GALK2: variants seen among roughly 807,000 people sequenced by gnomAD.
GALK2 encodes N-acetylgalactosamine kinase.
GALK2 carries 36 observed loss-of-function variants against 52.4 expected under a neutral mutation model. The ratio of observed to expected loss-of-function variants is 0.69; its 90% CI spans 0.53 to 0.91. The LOEUF is 0.91. GALK2 is among the 40% of genes least tolerant of loss of function. The pLI is 0.00. For missense variants in GALK2, 579 were observed against 559.1 expected (o/e 1.04, Z -0.36); for synonymous variants, 176 against 199.1 (o/e 0.88, Z 0.98).
At chr15:49,362,494 C>T (rs928613912) in intron 3 of GALK2, among the ~76,000 whole-genome samples, 3 of 150,578 alleles carry the variant, frequency 2.0e-5, no homozygotes, top group African/African-American at 7.3e-5. Flanking sequence ...TGAAAACCGA[C>T]TAATACACTT....
chr15:49,155,806 C>T, exon 1 of GALK2: 1 of 700,140 alleles, frequency 1.4e-6, no homozygotes, highest in Non-Finnish European at 2.4e-6. Flanking sequence ...CTAAAGCTGG[C>T]AACTGGGACA....
chr15:49,274,094 A>G (rs1595918583), intron 5 of GALK2, among the ~76,000 whole-genome samples: 3 of 152,144 alleles, frequency 2.0e-5, no homozygotes, highest in African/African-American at 7.2e-5. Flanking sequence ...GAAGAACCTG[A>G]TGGGAAGCAG....
chr15:49,310,258 A>C (rs989439513), intron 8 of GALK2, among the ~76,000 whole-genome samples: 2 of 152,206 alleles, frequency 1.3e-5, no homozygotes. Context: ...TTATGTGTAC[A>C]TGCCACATTT....
chr15:49,238,078 T>TTTG (rs1247936243), intron 4 of GALK2, among the ~76,000 whole-genome samples: 2 of 152,142 alleles, frequency 1.3e-5, no homozygotes, highest in African/African-American at 2.4e-5. Context: ...TTTGCAGAAT[T>TTTG]TTGTTGTTAT....
chr15:49,342,142 C>A (rs879336326), intron 3 of GALK2, among the ~76,000 whole-genome samples: 1 of 152,048 alleles, frequency 6.6e-6, no homozygotes, highest in Non-Finnish European at 1.5e-5. Flanking sequence ...TGAAGTTCCC[C>A]GTCCCATTAT....
At chr15:49,203,281 C>G (rs1299008806) in intron 2 of GALK2, among the ~76,000 whole-genome samples, 1 of 152,130 alleles carries the variant, frequency 6.6e-6, no homozygotes, top group East Asian at 1.9e-4. Context: ...GAACTCCTGA[C>G]CTCAGATGAT....
At chr15:49,214,760 ATAGTTACAGTGTTAGAGTATTCTG>A (rs1372759184) in intron 2 of GALK2, among the ~76,000 whole-genome samples, 1 of 152,206 alleles carries the variant, frequency 6.6e-6, no homozygotes, top group Non-Finnish European at 1.5e-5. Context: ...TTTTAACACT[ATAGTTACAGTGTTAGAGTATTCTG>A]TATTCATTCA....
At chr15:49,360,498 T>C (rs1236268321) in intron 3 of GALK2, among the ~76,000 whole-genome samples, 1 of 152,214 alleles carries the variant, frequency 6.6e-6, no homozygotes, top group African/African-American at 2.4e-5. Context: ...TTAAAAAAAT[T>C]ATTAAATTTT....
At chr15:49,199,931 G>A (rs994771210) in intron 1 of GALK2, among the ~76,000 whole-genome samples, 1 of 152,128 alleles carries the variant, frequency 6.6e-6, no homozygotes, top group African/African-American at 2.4e-5. Flanking sequence ...CCCAAGAGAC[G>A]AGCTTGAATA....
intron 5 of GALK2, among the ~76,000 whole-genome samples, chr15:49,259,344 C>G (rs2091978215): frequency 8.0e-6 from 1 of 124,568 alleles, no homozygotes; most frequent in South Asian, 3.2e-4. Context: ...CCCCCTCCCC[C>G]CACCCCACAA....
At chr15:49,212,167 A>G (rs147805864) in intron 2 of GALK2, among the ~76,000 whole-genome samples, 1 of 152,010 alleles carries the variant, frequency 6.6e-6, no homozygotes, top group Non-Finnish European at 1.5e-5. Context: ...ATCTCAACTC[A>G]CTGCAACCTC....
intron 3 of GALK2, among the ~76,000 whole-genome samples, 164 bp downstream of exon 3, chr15:49,217,477 A>G (rs78406951): frequency 0.022 from 3,383 of 152,228 alleles, 101 homozygotes; most frequent in South Asian, 0.077. Context: ...CATTTTGTTC[A>G]TTTGTCAATT....
chr15:49,206,033 GT>G (rs1220245842), intron 2 of GALK2, among the ~76,000 whole-genome samples: 1 of 152,082 alleles, frequency 6.6e-6, no homozygotes, highest in African/African-American at 2.4e-5. Flanking sequence ...TTGAAGATCA[GT>G]TGGCTATAAG....
intron 5 of GALK2, among the ~76,000 whole-genome samples, chr15:49,272,375 A>G (rs1052547687): frequency 6.6e-6 from 1 of 152,186 alleles, no homozygotes; most frequent in Non-Finnish European, 1.5e-5. Context: ...TTAATTTATC[A>G]AGAAAGCCTT....
At chr15:49,176,736 A>G (rs570019414) in intron 1 of GALK2, among the ~76,000 whole-genome samples, 10 of 152,154 alleles carry the variant, frequency 6.6e-5, no homozygotes, top group South Asian at 4.1e-4. Context: ...ATTTACCGAC[A>G]TTTTATTTAG....
chr15:49,351,417 G>C (rs1756089461), intron 3 of GALK2, among the ~76,000 whole-genome samples: 1 of 152,136 alleles, frequency 6.6e-6, no homozygotes, highest in South Asian at 2.1e-4. Context: ...CAGCAAATGA[G>C]ATCTTACCAT....
At chr15:49,178,391 A>ATATG (rs1219499127) in intron 1 of GALK2, 1 of 165,466 alleles carries the variant, frequency 6.0e-6, no homozygotes, top group Non-Finnish European at 1.3e-5. Context: ...ATATATATAT[A>ATATG]TGTGAATTCA....
downstream of GALK2, among the ~76,000 whole-genome samples, chr15:49,336,198 G>C (rs2039684448): frequency 6.6e-6 from 1 of 152,262 alleles, no homozygotes; most frequent in South Asian, 2.1e-4. Flanking sequence ...GCCTCAGTTA[G>C]CCTGGCTTCT....
chr15:49,320,706 A>G (rs1465728843), intron 9 of GALK2, among the ~76,000 whole-genome samples: 2 of 152,250 alleles, frequency 1.3e-5, no homozygotes, highest in Non-Finnish European at 2.9e-5. Flanking sequence ...GCTTGTCAAA[A>G]GACTTGAACA....
Sources: allele counts gnomAD v4.1 joint callset (sites outside exome capture counted in the v4.1 genomes callset), GRCh38; gene constraint gnomAD v4.1.1; transcripts MANE v1.5; gene names NCBI Gene and HGNC (gene_info 2026-07-23, HGNC 2026-07-21).